LPA: variants seen among roughly 807,000 people sequenced by gnomAD.
LPA encodes apolipoprotein(a).
LPA carries 199 observed loss-of-function variants against 197.9 expected under a neutral mutation model. That is an observed-to-expected ratio of 1.01 (90% CI 0.90 to 1.13). LPA has a LOEUF of 1.13. Among genes scored for constraint, LPA ranks in the 50% most tolerant of loss-of-function variants. The pLI, the probability that LPA is intolerant of heterozygous loss-of-function variation, is 0.00. For missense variants in LPA, 1,853 were observed against 1,785.8 expected (o/e 1.04, Z -0.68); for synonymous variants, 715 against 639.5 (o/e 1.12, Z -1.78).
At chr6:160,560,954 G>A (rs1778350994) in intron 28 of LPA, among the ~76,000 whole-genome samples, 1 of 152,020 alleles carries the variant, frequency 6.6e-6, no homozygotes, top group Non-Finnish European at 1.5e-5. Flanking sequence ...CTGTTGCCCA[G>A]GCTGGAGTGC....
chr6:160,605,315 G>A, intron 17 of LPA, 110 bp from the exon 18 acceptor site: 1 of 1,267,216 alleles, frequency 7.9e-7, no homozygotes, highest in Non-Finnish European at 1.1e-6. Flanking sequence ...ATGACCTCAG[G>A]AGAATATGAC....
rs201139293 is a variant in LPA at position 160,537,928 on chromosome 6, A to T, written c.5769T>A (p.Ala1923=). ...CCATGTAGTCTGGGGATGGCAGACA[A>T]GCTGGCATTACTTTGTCAGTGATGA... ...PAVITDKVMP[A]CLPSPDYMVT... is the part of the protein sequence containing the mutation. Residue 1923 remains alanine (A), a synonymous_variant, in exon 37 of 39, where the codon GCT becomes GCA. Transcript: ENST00000316300. 45 of 1,614,108 alleles carry T rather than the reference A, an allele frequency of 2.8e-5. No individual in the cohort carries two copies. Among genetic ancestry groups the T allele is most frequent in the Non-Finnish European group, 3.8e-5 (45 of 1,180,034 alleles).
At chr6:160,576,396 A>ATATATATGTG (rs1778674900) in intron 28 of LPA, among the ~76,000 whole-genome samples, 2 of 46,942 alleles carry the variant, frequency 4.3e-5, no homozygotes, top group East Asian at 9.9e-4. Flanking sequence ...ATATGTATAT[A>ATATATATGTG]TATATATATA....
chr6:160,615,384 G>GTGTGTGTGTGTGTGTT (rs1582888062), intron 14 of LPA, among the ~76,000 whole-genome samples: 1 of 127,060 alleles, frequency 7.9e-6, no homozygotes, highest in African/African-American at 3.1e-5. Context: ...GTGTGTGTGT[G>GTGTGTGTGTGTGTGTT]TAGCTCATTC....
At position 160,585,060 on chromosome 6, in the gene LPA, T is replaced by A; in HGVS notation, c.4275A>T (p.Leu1425Phe). ...MTPHWHRRIP[L>F]YYPNAGLTRN... ...GATAGACATACGCATTTGGATAGTA[T>A]AATGGGATCCTCCGATGCCAATGTG... The change falls in exon 26 of 39, where the codon TTA (leucine) becomes TTT (phenylalanine). Residue 1425 changes from leucine (L) to phenylalanine (F), a missense_variant. Transcript: ENST00000316300. 6.2e-7 allele frequency: 1 copy of A among 1,613,754 alleles called. No homozygotes were observed.
intron 1 of LPA, among the ~76,000 whole-genome samples, chr6:160,654,934 T>C (rs1328939714): frequency 6.6e-6 from 1 of 152,092 alleles, no homozygotes; most frequent in Non-Finnish European, 1.5e-5. Context: ...CATAGGGAAC[T>C]CCCCATGAGG....
chr6:160,577,606 C>A (rs1248272986), intron 27 of LPA, among the ~76,000 whole-genome samples: 1 of 152,188 alleles, frequency 6.6e-6, no homozygotes, highest in East Asian at 1.9e-4. Flanking sequence ...GGGCAGAAGA[C>A]CAGAATGCAA....
rs1450115783 is a variant in LPA at position 160,576,380 on chromosome 6, A to ATG, written c.4631+755_4631+756insCA. On this transcript the variant is annotated intron_variant, in intron 28 of 38. Transcript: ENST00000316300. Reference sequence around the variant, plus strand: ...TATATATATATACATATATATATATATATATATATGTATATATATATATAT... The same window carrying ATG: ...TATATATATATACATATATATATATATGTATATATATGTATATATATATATAT... Among the ~76,000 whole-genome samples, 508 of 60,352 alleles carry ATG rather than the reference A, an allele frequency of 8.4e-3. 5 individuals carry two copies. The highest frequency in any genetic ancestry group is 0.047 in the African/African-American group (476 of 10,128). 39.6% of individuals were successfully genotyped at this position (60,352 alleles called of 152,430 possible). A position where few individuals can be genotyped will look rare whatever the true frequency, so the allele number is the denominator to read the frequency against.
chr6:160,568,656 G>A (rs1437076062), intron 28 of LPA, among the ~76,000 whole-genome samples: 1 of 152,182 alleles, frequency 6.6e-6, no homozygotes, highest in Non-Finnish European at 1.5e-5. Context: ...GCAGGAGAAG[G>A]AAATAAAGGG....
intron 28 of LPA, among the ~76,000 whole-genome samples, chr6:160,570,632 A>G (rs556439927): frequency 6.6e-6 from 1 of 152,188 alleles, no homozygotes; most frequent in East Asian, 1.9e-4. Flanking sequence ...CTTAAAGTAT[A>G]ATAATAGTAA....
intron 1 of LPA, among the ~76,000 whole-genome samples, chr6:160,657,394 AT>A (rs1407295844): frequency 7.6e-6 from 1 of 131,248 alleles, no homozygotes; most frequent in African/African-American, 3.0e-5. Context: ...ATAAACTATT[AT>A]AACTTTTTTT....
intron 28 of LPA, among the ~76,000 whole-genome samples, chr6:160,561,219 A>C (rs914276637): frequency 1.3e-5 from 2 of 152,140 alleles, no homozygotes; most frequent in Non-Finnish European, 2.9e-5. Flanking sequence ...TTAATTCTTT[A>C]ATCTATCTTG....
At chr6:160,543,463 A>G (rs1412603640) in intron 33 of LPA, among the ~76,000 whole-genome samples, 1 of 152,172 alleles carries the variant, frequency 6.6e-6, no homozygotes, top group Non-Finnish European at 1.5e-5. Context: ...ATTATTAATA[A>G]CAACTGCAAG....
chr6:160,545,434 A>G lies in LPA; in HGVS notation c.5398+6T>C, dbSNP rs1010604747. The G allele has an allele frequency of 9.5e-6, 15 of 1,583,692 alleles. No homozygotes were observed. Among genetic ancestry groups the G allele is most frequent in the Admixed American group, 1.7e-5 (1 of 59,926 alleles). On this transcript the variant is annotated splice_donor_region_variant and intron_variant, in intron 33 of 38. Transcript: ENST00000316300. ...AGTTTCCTTACCAAAACAGAAGGCA[A>G]CTTACCACAGAGAGGGATATCACAG...
In LPA at chr6:160,650,421, G is replaced by A; in HGVS notation, c.126C>T (p.Thr42=). 2 of 1,613,840 alleles carry A rather than the reference G, an allele frequency of 1.2e-6. No homozygotes were observed. The highest frequency in any genetic ancestry group is 1.7e-6 in the Non-Finnish European group (2 of 1,179,766). Reference sequence around the variant, plus strand: ...CTTGGCAGGTCCTTCCTGTGACAGTGGTGGAGTACGTGCCTCGATAACTCT... The same window carrying A: ...CTTGGCAGGTCCTTCCTGTGACAGTAGTGGAGTACGTGCCTCGATAACTCT... The part of the protein sequence containing the change: ...DGQSYRGTYS[T]TVTGRTCQAW... The change falls in exon 2 of 39, where the codon ACC becomes ACT. Residue 42 remains threonine (T), a synonymous_variant. Coordinates refer to ENST00000316300, the MANE Select transcript of LPA (RefSeq NM_005577.4).
chr6:160,537,652 C>A (rs1777914861), intron 37 of LPA, among the ~76,000 whole-genome samples: 6 of 152,152 alleles, frequency 3.9e-5, no homozygotes, highest in Admixed American at 2.6e-4. Flanking sequence ...AAGAGAGAGA[C>A]TCAAGGAAAT....
intron 30 of LPA, among the ~76,000 whole-genome samples, chr6:160,554,156 ATT>A (rs1362615373): frequency 6.6e-6 from 1 of 151,634 alleles, no homozygotes; most frequent in Admixed American, 6.6e-5. Context: ...TATATTCTGC[ATT>A]TGTTTCCCTC....
chr6:160,646,816 G>A (rs1186587791), intron 2 of LPA, among the ~76,000 whole-genome samples: 4 of 149,124 alleles, frequency 2.7e-5, no homozygotes, highest in African/African-American at 1.0e-4. Flanking sequence ...TATCTCTCTC[G>A]GTAGGACTTC....
intron 19 of LPA, among the ~76,000 whole-genome samples, 164 bp downstream of exon 19, chr6:160,600,753 C>G (rs1779221940): frequency 6.6e-6 from 1 of 152,130 alleles, no homozygotes; most frequent in Admixed American, 6.5e-5. Context: ...AAAAATCACA[C>G]CTCTGGCTCC....
Sources: allele counts gnomAD v4.1 joint callset (sites outside exome capture counted in the v4.1 genomes callset), GRCh38; gene constraint gnomAD v4.1.1; transcripts MANE v1.5; gene names NCBI Gene and HGNC (gene_info 2026-07-23, HGNC 2026-07-21).